The following JAML variants were observed in gnomAD, a reference collection of about 807,000 sequenced individuals.
JAML encodes junction adhesion molecule like.
JAML carries 25 observed loss-of-function variants against 39.3 expected under a neutral mutation model. That is an observed-to-expected ratio of 0.64 (90% CI 0.46 to 0.89). The LOEUF (loss-of-function observed/expected upper bound fraction) is 0.89, where lower values mean the gene tolerates loss of function less well. Ranked by LOEUF, JAML falls within the 40% of genes least tolerant of loss-of-function variation. JAML has a pLI of 0.00. For missense variants in JAML, 440 were observed against 486.9 expected, an observed-to-expected ratio of 0.90 and a Z score of 0.91; for synonymous variants, 162 against 179.2, an observed-to-expected ratio of 0.90 and a Z score of 0.77.
chr11:118,211,170 C>A (rs2134667590), intron 3 of JAML, among the ~76,000 whole-genome samples: 1 of 152,342 alleles, frequency 6.6e-6, no homozygotes, highest in East Asian at 1.9e-4. Flanking sequence ...CTACCCTCCT[C>A]CCGGCAGCAG....
Position 118,210,738 on chromosome 11 carries a change from C to T in JAML, c.199-26G>A, listed in dbSNP as rs574140258. The T allele has an allele frequency of 1.4e-5, 22 of 1,597,300 alleles. No homozygotes were observed. The East Asian group carries it at 4.2e-4, about 31-fold the overall frequency. On this transcript the variant is annotated intron_variant, in intron 3 of 9. Transcript: ENST00000356289. ...CTGAAGGGCAAAACAGTGTTGGAGA[C>T]AATCAAAAGAGGTGCCAGACCGAGG... is the stretch of plus-strand genomic sequence containing the variant.
chr11:118,219,096 G>A (rs998989331), intron 1 of JAML, among the ~76,000 whole-genome samples: 3 of 151,960 alleles, frequency 2.0e-5, no homozygotes, highest in African/African-American at 7.3e-5. Context: ...TGTATGGGGG[G>A]TTAAAAATGG....
At chr11:118,213,809 T>G (rs1949104957) in intron 2 of JAML, among the ~76,000 whole-genome samples, 1 of 152,208 alleles carries the variant, frequency 6.6e-6, no homozygotes. Context: ...ATACAGGGGT[T>G]GGACTGGTAG....
intron 6 of JAML, chr11:118,202,974 G>A: frequency 4.4e-6 from 2 of 457,042 alleles, no homozygotes; most frequent in South Asian, 3.1e-5. Flanking sequence ...TCCATTTTTG[G>A]TTCTGGTGCC....
Position 118,203,507 on chromosome 11 carries a change from G to A in JAML, c.693C>T (p.Asn231=). The A allele has an allele frequency of 1.2e-6, 2 of 1,614,162 alleles. No homozygotes were observed. Among genetic ancestry groups the A allele is most frequent in the Middle Eastern group, 1.6e-4 (1 of 6,062 alleles). The change falls in exon 6 of 10, where the codon AAC becomes AAT. Residue 231 remains asparagine, a synonymous_variant. Transcript: ENST00000356289. ...TCCCTAGGTGGATACTGCAGGTGTA[G>A]TTTCCTCCATCTGACTCCCTCACTC... is the stretch of plus-strand genomic sequence containing the variant. ...LQGVRESDGG[N]YTCSIHLGNL... is the part of the protein sequence containing the mutation.
intron 1 of JAML, among the ~76,000 whole-genome samples, chr11:118,219,584 C>G (rs1273176575): frequency 6.6e-6 from 1 of 152,246 alleles, no homozygotes; most frequent in Non-Finnish European, 1.5e-5. Flanking sequence ...ACAGTGCCTT[C>G]TCTGCTGTGC....
In JAML at chr11:118,203,635, G is replaced by A. The variant is rs777829571; in HGVS notation, c.565C>T (p.Leu189Phe). Reference sequence around the variant, plus strand: ...TGGGAGTACTCCACAGACATCCTGAGTTTGTGGTAGTAACGAAATACAATC... The same window carrying A: ...TGGGAGTACTCCACAGACATCCTGAATTTGTGGTAGTAACGAAATACAATC... ...EEIVFRYYHK[L>F]RMSVEYSQSW... Residue 189 changes from leucine to phenylalanine, a missense_variant, in exon 6 of 10, where the codon CTC (leucine) becomes TTC (phenylalanine). Transcript: ENST00000356289. The A allele has an allele frequency of 2.2e-5, 35 of 1,613,704 alleles. No homozygotes were observed. In the African/African-American group the frequency reaches 4.4e-4, roughly 20 times the overall value.
intron 7 of JAML, among the ~76,000 whole-genome samples, chr11:118,198,702 T>C (rs148960503): frequency 7.2e-4 from 109 of 151,308 alleles, no homozygotes; most frequent in African/African-American, 1.9e-3. Context: ...ATTCAAGGTT[T>C]AAGCTAGAAA....
chr11:118,210,540 C>T lies in JAML; in HGVS notation c.371G>A (p.Ser124Asn), dbSNP rs547151827. ...YICEIRLKGE[S>N]QVFKKAVVLH... ...TACCACCGCCTTCTTGAACACCTGG[C>T]TCTCCCCTTTGAGGCGGATTTCACA... Residue 124 changes from serine (S) to asparagine (N), a missense_variant, in exon 4 of 10, where the codon AGC becomes AAC. Ser to Asn is a conservative substitution (Grantham distance 46). Transcript: ENST00000356289. 1.9e-6 allele frequency: 3 copies of T among 1,614,182 alleles called. No homozygotes were observed. The South Asian group carries it at 3.3e-5, about 18-fold the overall frequency.
intron 4 of JAML, chr11:118,209,080 T>C (rs1948987013): frequency 1.1e-5 from 3 of 265,308 alleles, no homozygotes; most frequent in Non-Finnish European, 7.6e-6. Context: ...TCTCCACCCT[T>C]TCCTTTAGAG....
At chr11:118,203,841 G>T in intron 5 of JAML, 176 bp from the exon 6 acceptor site, 1 of 599,382 alleles carries the variant, frequency 1.7e-6, no homozygotes, top group Non-Finnish European at 3.0e-6. Context: ...GTGCATGCGT[G>T]TGTACTTGTG....
chr11:118,214,539 TG>T (rs1331423439), intron 2 of JAML, among the ~76,000 whole-genome samples: 14 of 152,180 alleles, frequency 9.2e-5, no homozygotes, highest in Non-Finnish European at 1.6e-4. Flanking sequence ...AGTGCAGGAA[TG>T]CCACAGAGAA....
chr11:118,200,215 C>G (rs1311317734), intron 7 of JAML, among the ~76,000 whole-genome samples: 2 of 152,068 alleles, frequency 1.3e-5, no homozygotes, highest in East Asian at 1.9e-4. Flanking sequence ...TGAATTATGC[C>G]CTACTGAGGC....
chr11:118,214,745 T>C, intron 2 of JAML, 79 bp downstream of exon 2: 1 of 1,431,406 alleles, frequency 7.0e-7, no homozygotes, highest in Non-Finnish European at 9.8e-7. Context: ...GAATCGAAAA[T>C]ATGTAAAATT....
At position 118,216,919 on chromosome 11, in the gene JAML, TGAAG is replaced by T. The variant is rs575728550; in HGVS notation, c.-20-2037_-20-2034del. 3.5e-4 allele frequency among the ~76,000 whole-genome samples: 53 copies of T among 152,318 alleles called. No individual in the cohort carries two copies. In the East Asian group the frequency reaches 5.8e-3, roughly 17 times the overall value. On this transcript the variant is annotated intron_variant, in intron 1 of 9. Coordinates refer to ENST00000356289, the MANE Select transcript of JAML (RefSeq NM_001098526.2). ...CCACCTTGCCCCATACATACATGGA[TGAAG>T]GTCATAAGGGGCTTCCTTTATGGTG...
At chr11:118,219,773 C>T (rs1683082131) in intron 1 of JAML, among the ~76,000 whole-genome samples, 1 of 152,236 alleles carries the variant, frequency 6.6e-6, no homozygotes, top group Non-Finnish European at 1.5e-5. Context: ...CTACTCTGTC[C>T]CTTGCCTCTC....
At chr11:118,218,854 T>C (rs992122123) in intron 1 of JAML, among the ~76,000 whole-genome samples, 5 of 152,222 alleles carry the variant, frequency 3.3e-5, no homozygotes, top group African/African-American at 1.2e-4. Flanking sequence ...AGCACCTTGA[T>C]AATAGACACC....
intron 2 of JAML, chr11:118,212,980 C>T (rs1317464683): frequency 1.2e-6 from 2 of 1,613,140 alleles, no homozygotes; most frequent in African/African-American, 2.7e-5. Context: ...TGAAAAGGGA[C>T]CTTTTGTTTA....
intron 2 of JAML, chr11:118,213,491 T>A (rs1949100048): frequency 4.2e-6 from 1 of 239,200 alleles, no homozygotes; most frequent in Non-Finnish European, 6.8e-6. Context: ...TCTAAACCCT[T>A]CAGAGGGAAT....
Sources: gnomAD v4.1 joint callset for allele counts (sites outside exome capture counted in the v4.1 genomes callset) on GRCh38, gnomAD v4.1.1 for gene constraint, MANE v1.5 for transcripts, NCBI Gene and HGNC (gene_info 2026-07-23, HGNC 2026-07-21) for gene names.